CD8A: variants seen among roughly 807,000 people sequenced by gnomAD.
The protein encoded by CD8A is CD8 subunit alpha.
In CD8A, 25 loss-of-function variants were observed where a neutral mutation model predicts 24.2. That is an observed-to-expected ratio of 1.03 (90% confidence interval 0.75 to 1.44). CD8A has a LOEUF of 1.44. Among genes scored for constraint, CD8A ranks in the 40% most tolerant of loss-of-function variants. The probability of loss-of-function intolerance (pLI) is 0.00; values close to 1 mark genes in which losing one functional copy is unlikely to be tolerated. For missense variants in CD8A, 360 were observed against 319.7 expected (o/e 1.13, Z -0.96); for synonymous variants, 165 against 149.9 (o/e 1.10, Z -0.74).
chr2:86,790,685 C>T lies in CD8A; in HGVS notation c.50-4G>A, dbSNP rs1455562292. 2 of 1,596,174 alleles carry T rather than the reference C, an allele frequency of 1.3e-6. No individual in the cohort carries two copies. The highest frequency in any genetic ancestry group is 1.7e-6 in the Non-Finnish European group (2 of 1,178,178). On this transcript the variant is annotated splice_polypyrimidine_tract_variant and splice_region_variant and intron_variant, in intron 1 of 5. Transcript: ENST00000283635. The stretch of plus-strand genomic sequence containing the variant: ...AACTGGCTCGGCCTGGCGGCGTCTG[C>T]AGGCGGCAAGCAGCGAGGCTGAGCC...
chr2:86,806,459 G>T (rs961128070), intron 2 of CD8A, among the ~76,000 whole-genome samples: 3 of 152,244 alleles, frequency 2.0e-5, no homozygotes, highest in Admixed American at 1.3e-4. Flanking sequence ...TCCTTGGCCT[G>T]CAGCAACTCC....
chr2:86,799,503 T>TG (rs1673590300), intron 3 of CD8A, among the ~76,000 whole-genome samples: 1 of 152,106 alleles, frequency 6.6e-6, no homozygotes, highest in African/African-American at 2.4e-5. Context: ...ACGCTTGTAA[T>TG]CCCAGCACTT....
At chr2:86,786,345 C>T (rs1402662119) in intron 5 of CD8A, among the ~76,000 whole-genome samples, 4 of 152,186 alleles carry the variant, frequency 2.6e-5, no homozygotes, top group Non-Finnish European at 5.9e-5. Context: ...CATTAGCTGA[C>T]CTGATTCTCA....
At chr2:86,789,849 C>T (rs1260054081) in intron 2 of CD8A, 99 bp from the exon 3 acceptor site, 2 of 685,520 alleles carry the variant, frequency 2.9e-6, no homozygotes, top group Non-Finnish European at 4.3e-6. Flanking sequence ...CGCCTCCCCC[C>T]GGTTTTCCTG....
At chr2:86,789,487 GC>G in intron 3 of CD8A, 54 bp from the exon 4 acceptor site, 1 of 1,444,350 alleles carries the variant, frequency 6.9e-7, no homozygotes, top group South Asian at 1.1e-5. Context: ...CCTCCCAACC[GC>G]CCCACCGTCC....
At chr2:86,797,965 T>G (rs1379430293) in intron 3 of CD8A, among the ~76,000 whole-genome samples, 1 of 152,224 alleles carries the variant, frequency 6.6e-6, no homozygotes, top group East Asian at 1.9e-4. Flanking sequence ...GAATGTCCAA[T>G]GAGTGTGGAT....
chr2:86,804,791 AATCT>A (rs1232842645), intron 2 of CD8A, among the ~76,000 whole-genome samples: 2 of 146,522 alleles, frequency 1.4e-5, no homozygotes, highest in Non-Finnish European at 3.0e-5. Context: ...TTCCTTGCTA[AATCT>A]TTTTTTTTTT....
At chr2:86,788,656 C>A (rs1673124988) in intron 4 of CD8A, 96 bp from the exon 5 acceptor site, 1 of 1,204,492 alleles carries the variant, frequency 8.3e-7, no homozygotes, top group South Asian at 1.3e-5. Context: ...GTTGTTGCTG[C>A]TGTTTTTTGG....
upstream of CD8A, among the ~76,000 whole-genome samples, chr2:86,791,979 C>A (rs1002303061): frequency 1.1e-4 from 17 of 152,102 alleles, no homozygotes; most frequent in African/African-American, 4.1e-4. Flanking sequence ...TGGGTAGAGG[C>A]GGTTTTCTCT....
In CD8A at chr2:86,785,012, A is replaced by C. The variant is rs745678900; in HGVS notation, c.*908T>G. 2.2e-6 allele frequency: 1 copy of C among 454,128 alleles called. No homozygotes were observed. Among genetic ancestry groups the C allele is most frequent in the South Asian group, 1.6e-5 (1 of 64,480 alleles). 28.1% of individuals were successfully genotyped at this position (454,128 alleles called of 1,614,324 possible). Reference sequence around the variant, plus strand: ...TCTTTACAAAGTATAAAAAGTCATCAGTGATCCCAGGAACATGTTTGTATC... The same window carrying C: ...TCTTTACAAAGTATAAAAAGTCATCCGTGATCCCAGGAACATGTTTGTATC... On this transcript the variant is annotated 3_prime_UTR_variant, in exon 6 of 6. Coordinates refer to ENST00000283635, the MANE Select transcript of CD8A (RefSeq NM_001768.7).
Position 86,789,654 on chromosome 2 carries a change from G to T in CD8A, c.500C>A (p.Ala167Glu). The T allele has an allele frequency of 6.8e-7, 1 of 1,481,450 alleles. No homozygotes were observed. The highest frequency in any genetic ancestry group is 1.3e-5 in the South Asian group (1 of 76,164). The allele number at this position is 1,481,450 out of a possible 1,614,324, so 91.8% of individuals were successfully genotyped here. A position where few individuals can be genotyped will look rare whatever the true frequency, so the allele number is the denominator to read the frequency against. Residue 167 changes from alanine to glutamate, a missense_variant, in exon 3 of 6, where the codon GCG (alanine) becomes GAG (glutamate). Transcript: ENST00000283635. ...LSLRPEACRP[A>E]AGGAVHTRGL... Reference sequence around the variant, plus strand: ...GCACGCCTCACCTGCGCCCCCCGCCGCTGGCCGGCACGCCTCTGGGCGCAG... The same window carrying T: ...GCACGCCTCACCTGCGCCCCCCGCCTCTGGCCGGCACGCCTCTGGGCGCAG...
chr2:86,790,926 C>T (rs759486070), upstream of CD8A: 7 of 1,133,970 alleles, frequency 6.2e-6, no homozygotes, highest in Admixed American at 4.0e-5. Context: ...GCCCTTCGGC[C>T]GGCCCGGAGC....
At position 86,785,701 on chromosome 2, in the gene CD8A, C is replaced by G. The variant is rs1426369018; in HGVS notation, c.*219G>C. On this transcript the variant is annotated 3_prime_UTR_variant, in exon 6 of 6. Transcript: ENST00000283635. ...ACGCCCTACCGCGATGTGCGCACAA[C>G]AGTATTGTGACCCTTGTGGTGTACT... The G allele has an allele frequency of 8.5e-6, 6 of 707,808 alleles. No homozygotes were observed. The highest frequency in any genetic ancestry group is 1.5e-5 in the Non-Finnish European group (6 of 387,642). The allele number at this position is 707,808 out of a possible 1,614,324, so 43.8% of individuals were successfully genotyped here.
rs1273506806 is a variant in CD8A at position 86,789,486 on chromosome 2, C to T, written c.515-53G>A. 9.0e-6 allele frequency: 13 copies of T among 1,445,728 alleles called. No individual in the cohort carries two copies. In the East Asian group the frequency reaches 2.0e-4, roughly 23 times the overall value. The allele number at this position is 1,445,728 out of a possible 1,614,324, so 89.6% of individuals were successfully genotyped here. On this transcript the variant is annotated intron_variant, in intron 3 of 5. Coordinates refer to ENST00000283635, the MANE Select transcript of CD8A (RefSeq NM_001768.7). ...AGGAGAGGGCCCGGGACCTCCCAAC[C>T]GCCCCACCGTCCCGGGAACGTCTCT...
upstream of CD8A, chr2:86,791,589 C>T (rs1196664722): frequency 2.2e-6 from 1 of 454,108 alleles, no homozygotes; most frequent in Non-Finnish European, 4.4e-6. Context: ...GTCCTCCAGC[C>T]ACGTTGTTAT....
intron 3 of CD8A, 55 bp from the exon 4 acceptor site, chr2:86,789,488 C>T: frequency 7.0e-7 from 1 of 1,435,532 alleles, no homozygotes; most frequent in Non-Finnish European, 9.8e-7. Context: ...CTCCCAACCG[C>T]CCCACCGTCC....
intron 3 of CD8A, 59 bp from the exon 4 acceptor site, chr2:86,789,492 A>G: frequency 7.0e-7 from 1 of 1,430,672 alleles, no homozygotes; most frequent in Non-Finnish European, 9.9e-7. Flanking sequence ...CAACCGCCCC[A>G]CCGTCCCGGG....
At chr2:86,807,059 C>A (rs1218825437) in intron 2 of CD8A, among the ~76,000 whole-genome samples, 1 of 151,694 alleles carries the variant, frequency 6.6e-6, no homozygotes, top group Non-Finnish European at 1.5e-5. Flanking sequence ...ACTCAGGAGG[C>A]CTCTGAACAA....
At chr2:86,798,528 CTT>C (rs34242639) in intron 3 of CD8A, among the ~76,000 whole-genome samples, 5 of 143,842 alleles carry the variant, frequency 3.5e-5, no homozygotes, top group East Asian at 4.1e-4. Context: ...TTTCCTTTTT[CTT>C]TTTTTTTTTT....
Sources: gnomAD v4.1 joint callset for allele counts (sites outside exome capture counted in the v4.1 genomes callset) on GRCh38, gnomAD v4.1.1 for gene constraint, MANE v1.5 for transcripts, NCBI Gene and HGNC (gene_info 2026-07-23, HGNC 2026-07-21) for gene names.